Variants in TCF12 observed in about 807,000 individuals in gnomAD.
The protein encoded by TCF12 is DNA-binding protein HTF4.
TCF12 carries 45 observed loss-of-function variants against 86.0 expected under a neutral mutation model. The observed-to-expected ratio is 0.52, with a 90% CI of 0.41 to 0.67. TCF12 has a LOEUF of 0.67. TCF12 is among the 30% of genes least tolerant of loss of function. The probability of loss-of-function intolerance (pLI) is 0.00; values close to 1 mark genes in which losing one functional copy is unlikely to be tolerated. For synonymous variants in TCF12, 330 were observed against 299.6 expected, an observed-to-expected ratio of 1.10 and a Z score of -1.05; for missense variants, 881 against 859.9, an observed-to-expected ratio of 1.02 and a Z score of -0.31.
intron 3 of TCF12, among the ~76,000 whole-genome samples, chr15:57,056,349 T>C (rs1184978305): frequency 1.3e-5 from 2 of 152,056 alleles, no homozygotes; most frequent in African/African-American, 4.8e-5. Flanking sequence ...AGCATGTTGG[T>C]CAATCTGGTC....
At chr15:57,034,631 ACT>A (rs2066394409) in intron 3 of TCF12, among the ~76,000 whole-genome samples, 1 of 152,066 alleles carries the variant, frequency 6.6e-6, no homozygotes, top group African/African-American at 2.4e-5. Context: ...TTTTAAAAGT[ACT>A]CTCATATCTG....
chr15:57,020,813 G>C (rs1763981139), intron 3 of TCF12, among the ~76,000 whole-genome samples: 1 of 152,178 alleles, frequency 6.6e-6, no homozygotes, highest in South Asian at 2.1e-4. Context: ...AATCAGGGAA[G>C]ACTTCATGGA....
At chr15:57,009,027 C>T (rs1460514581) in intron 3 of TCF12, among the ~76,000 whole-genome samples, 1 of 152,112 alleles carries the variant, frequency 6.6e-6, no homozygotes, top group Non-Finnish European at 1.5e-5. Flanking sequence ...GCTATAAGCT[C>T]TTCTAAAAAT....
At chr15:57,129,345 C>T (rs1042318739) in intron 5 of TCF12, among the ~76,000 whole-genome samples, 2 of 152,150 alleles carry the variant, frequency 1.3e-5, no homozygotes, top group Non-Finnish European at 1.5e-5. Context: ...CAGATGGCTT[C>T]AGCCTAGGAG....
chr15:57,014,900 T>C (rs2065063376), intron 3 of TCF12, among the ~76,000 whole-genome samples: 1 of 149,158 alleles, frequency 6.7e-6, no homozygotes, highest in South Asian at 2.1e-4. Context: ...TTATTGTTAT[T>C]ATTATTATTA....
intron 6 of TCF12, 106 bp downstream of exon 6, chr15:57,166,572 T>C (rs2054911231): frequency 1.0e-6 from 1 of 1,001,510 alleles, no homozygotes; most frequent in Non-Finnish European, 1.4e-6. Context: ...CACTACTGTT[T>C]GTTTAATTTG....
chr15:57,054,228 T>G (rs2067830200), intron 3 of TCF12, among the ~76,000 whole-genome samples: 1 of 152,196 alleles, frequency 6.6e-6, no homozygotes, highest in Non-Finnish European at 1.5e-5. Flanking sequence ...TAGAATTGTT[T>G]GTGGAATTAA....
chr15:57,143,050 A>T (rs1180926139), intron 5 of TCF12, among the ~76,000 whole-genome samples: 5 of 151,722 alleles, frequency 3.3e-5, no homozygotes, highest in Non-Finnish European at 5.9e-5. Context: ...TAAATGCTTG[A>T]GGTGATGGAT....
chr15:57,015,731 AAAAT>A (rs1372157555), intron 3 of TCF12, among the ~76,000 whole-genome samples: 1 of 152,208 alleles, frequency 6.6e-6, no homozygotes, highest in Non-Finnish European at 1.5e-5. Context: ...TATTTGAACT[AAAAT>A]AAGAATGCTA....
chr15:57,044,296 T>C (rs1274057128), intron 3 of TCF12, among the ~76,000 whole-genome samples: 2 of 152,094 alleles, frequency 1.3e-5, no homozygotes, highest in African/African-American at 4.8e-5. Flanking sequence ...GCACAGTGGG[T>C]CACACCTGTA....
rs2435899 is a variant in TCF12 at position 56,980,491 on chromosome 15, T to A, written c.148+59393T>A. Reference sequence around the variant, plus strand: ...ACATTGAGGCTGCTGGCGCCCTTACTGTAGACTTTTCAGCCTCCAGAACTG... The same window carrying A: ...ACATTGAGGCTGCTGGCGCCCTTACAGTAGACTTTTCAGCCTCCAGAACTG... On this transcript the variant is annotated intron_variant, in intron 3 of 20. Coordinates refer to ENST00000333725, the MANE Select transcript of TCF12 (RefSeq NM_207037.2). Among the ~76,000 whole-genome samples, 1,281 of 152,294 alleles carry A rather than the reference T, an allele frequency of 8.4e-3. 27 individuals are homozygous for A. The highest frequency in any genetic ancestry group is 0.029 in the African/African-American group (1,215 of 41,558).
intron 3 of TCF12, among the ~76,000 whole-genome samples, chr15:56,999,423 A>G (rs1468053741): frequency 6.6e-6 from 1 of 152,040 alleles, no homozygotes; most frequent in Non-Finnish European, 1.5e-5. Context: ...ACGGGATATC[A>G]TTACAAACTC....
intron 5 of TCF12, among the ~76,000 whole-genome samples, chr15:57,134,047 T>C (rs1322089247): frequency 2.1e-4 from 32 of 152,348 alleles, no homozygotes; most frequent in African/African-American, 7.2e-4. Flanking sequence ...ACAAGAGTGG[T>C]GGTTTATTTA....
chr15:57,283,394 A>G (rs1364866836), intron 20 of TCF12, among the ~76,000 whole-genome samples: 1 of 151,922 alleles, frequency 6.6e-6, no homozygotes, highest in African/African-American at 2.4e-5. Flanking sequence ...CGAGTAGACT[A>G]GCTGGGATTA....
chr15:57,272,273 G>C (rs1324939975), intron 18 of TCF12, among the ~76,000 whole-genome samples: 3 of 152,092 alleles, frequency 2.0e-5, no homozygotes, highest in Non-Finnish European at 4.4e-5. Context: ...TATATCCTTA[G>C]GATGAATTTC....
At position 57,274,565 on chromosome 15, in the gene TCF12, A is replaced by C. The variant is rs112040756; in HGVS notation, c.1978+1303A>C. 3.4e-3 allele frequency among the ~76,000 whole-genome samples: 519 copies of C among 152,162 alleles called. 4 individuals carry two copies. The highest frequency in any genetic ancestry group is 0.011 in the African/African-American group (474 of 41,500). On this transcript the variant is annotated intron_variant, in intron 19 of 20. Transcript: ENST00000333725. Reference sequence around the variant, plus strand: ...AGCAGTGGTTCCTTGAACTACTGATACCTCCTGTCACTTTACCAATGGTTT... The same window carrying C: ...AGCAGTGGTTCCTTGAACTACTGATCCCTCCTGTCACTTTACCAATGGTTT...
intron 4 of TCF12, among the ~76,000 whole-genome samples, chr15:57,076,380 G>A (rs907392776): frequency 9.9e-5 from 15 of 151,966 alleles, no homozygotes; most frequent in East Asian, 1.9e-4. Flanking sequence ...AGAATAGGCC[G>A]GGCACGGTGG....
chr15:56,941,050 C>T (rs959248238), intron 3 of TCF12, among the ~76,000 whole-genome samples: 3 of 150,432 alleles, frequency 2.0e-5, no homozygotes, highest in African/African-American at 4.9e-5. Flanking sequence ...TGTGAGCCAC[C>T]GTGCCAGGCC....
intron 18 of TCF12, among the ~76,000 whole-genome samples, chr15:57,264,637 A>G (rs1323581567): frequency 6.6e-6 from 1 of 152,180 alleles, no homozygotes; most frequent in East Asian, 1.9e-4. Flanking sequence ...CATTAATATC[A>G]CTGTCTTCCA....
Sources: allele counts gnomAD v4.1 joint callset (sites outside exome capture counted in the v4.1 genomes callset), GRCh38; gene constraint gnomAD v4.1.1; transcripts MANE v1.5; gene names NCBI Gene and HGNC (gene_info 2026-07-23, HGNC 2026-07-21).